The following DMD variants were observed in gnomAD, a reference collection of about 807,000 sequenced individuals.
DMD encodes the protein mutant dystrophin.
Under a neutral mutation model 330.1 loss-of-function variants are expected in DMD, and 63 were observed. The ratio of observed to expected loss-of-function variants is 0.19; its 90% CI spans 0.16 to 0.24. The LOEUF is 0.24. Ranked by LOEUF, DMD falls within the 10% of genes least tolerant of loss-of-function variation. The pLI is 1.00. For missense variants in DMD, 3,344 were observed against 2,684.1 expected (o/e 1.25, Z -5.43); for synonymous variants, 1,223 against 959.8 (o/e 1.27, Z -5.07).
At chrX:32,282,343 A>G (rs904751627) in intron 43 of DMD, among the ~76,000 whole-genome samples, 2 of 111,798 alleles carry the variant, frequency 1.8e-5, no homozygotes, top group Admixed American at 1.9e-4. Flanking sequence ...CATGTTTCCT[A>G]TAGGTATATT....
chrX:32,164,361 G>A lies in DMD; in HGVS notation c.6438+52555C>T, dbSNP rs775861376. Among the ~76,000 whole-genome samples the A allele has an allele frequency of 7.2e-5, 8 of 111,625 alleles. No individual in the cohort carries two copies. In the South Asian group the frequency reaches 1.5e-3, roughly 21 times the overall value. ...TTGACCAAAATGCTGATAGTGATAC[G>A]AACACTGAAGTCCAGGCAGAGGTGG... On this transcript the variant is annotated intron_variant, in intron 44 of 78. Coordinates refer to ENST00000357033, the MANE Select transcript of DMD (RefSeq NM_004006.3).
chrX:31,410,043 C>T (rs778259904), intron 60 of DMD, among the ~76,000 whole-genome samples: 14 of 111,928 alleles, frequency 1.3e-4, no homozygotes, highest in African/African-American at 4.2e-4. Flanking sequence ...TGGTCTTGAA[C>T]GTCTGACCTC....
chrX:31,158,881 G>C (rs775836985), intron 74 of DMD, among the ~76,000 whole-genome samples: 1 of 111,916 alleles, frequency 8.9e-6, no homozygotes, highest in Non-Finnish European at 1.9e-5. Context: ...GTTTTAAAAA[G>C]AGTCCAAAAA....
chrX:33,126,038 C>A (rs867902179), intron 1 of DMD, among the ~76,000 whole-genome samples: 440 of 93,148 alleles, frequency 4.7e-3, no homozygotes, highest in Middle Eastern at 0.012. Context: ...GACTCCGTCT[C>A]AAGAAAAAAA....
intron 1 of DMD, among the ~76,000 whole-genome samples, chrX:33,114,478 C>A (rs1237671704): frequency 1.8e-5 from 2 of 111,246 alleles, no homozygotes; most frequent in Non-Finnish European, 3.8e-5. Flanking sequence ...AAAGTCAAAA[C>A]ACTTTAGTAA....
intron 2 of DMD, among the ~76,000 whole-genome samples, chrX:32,935,790 C>T (rs1176120318): frequency 9.0e-6 from 1 of 111,278 alleles, no homozygotes; most frequent in Non-Finnish European, 1.9e-5. Context: ...AATGTTATGC[C>T]TTTTTCCTCT....
chrX:31,613,755 C>T (rs2078051876), intron 55 of DMD, among the ~76,000 whole-genome samples: 1 of 111,204 alleles, frequency 9.0e-6, no homozygotes, highest in Non-Finnish European at 1.9e-5. Context: ...CCAAGCCCCA[C>T]CACTATTAAT....
At chrX:33,232,671 A>C (rs1487578074) in intron 1 of DMD, among the ~76,000 whole-genome samples, 3 of 111,238 alleles carry the variant, frequency 2.7e-5, no homozygotes, top group African/African-American at 9.8e-5. Flanking sequence ...GGGGCAGATC[A>C]CTTGAGGTCA....
At chrX:31,235,653 T>C (rs1426329409) in intron 63 of DMD, among the ~76,000 whole-genome samples, 4 of 112,330 alleles carry the variant, frequency 3.6e-5, no homozygotes, top group Admixed American at 9.4e-5. Flanking sequence ...GTCGATGACA[T>C]TGATTTTACA....
chrX:33,081,526 GGCCTCCCAAAGTGCA>G (rs889315565), intron 1 of DMD, among the ~76,000 whole-genome samples: 3 of 111,950 alleles, frequency 2.7e-5, no homozygotes, highest in African/African-American at 6.5e-5. Context: ...CGCCCTCCTC[GGCCTCCCAAAGTGCA>G]GCCTCCCAAA....
intron 2 of DMD, among the ~76,000 whole-genome samples, chrX:32,963,546 ACAATAAGTAAGTTGT>A (rs1324778452): frequency 7.1e-5 from 8 of 112,379 alleles, no homozygotes; most frequent in Non-Finnish European, 1.5e-4. Flanking sequence ...TGCTAACCAC[ACAATAAGTAAGTTGT>A]CAATAACTAC....
At chrX:31,707,545 AC>A (rs761203582) in intron 52 of DMD, among the ~76,000 whole-genome samples, 63 of 110,835 alleles carry the variant, frequency 5.7e-4, no homozygotes, top group African/African-American at 2.0e-3. Context: ...TGGGATCCGT[AC>A]TCCAAACCTC....
At chrX:31,223,873 A>T (rs1307739184) in intron 63 of DMD, among the ~76,000 whole-genome samples, 1 of 112,723 alleles carries the variant, frequency 8.9e-6, no homozygotes, top group Non-Finnish European at 1.9e-5. Context: ...ATATGTATTT[A>T]AAAATATAAT....
chrX:31,628,941 T>A (rs868092531), intron 54 of DMD, among the ~76,000 whole-genome samples: 6 of 102,196 alleles, frequency 5.9e-5, no homozygotes, highest in Admixed American at 2.1e-4. Context: ...TATATATATA[T>A]AAAATGCATG....
intron 30 of DMD, among the ~76,000 whole-genome samples, chrX:32,404,590 G>A (rs2098107011): frequency 9.0e-6 from 1 of 111,484 alleles, no homozygotes; most frequent in African/African-American, 3.3e-5. Flanking sequence ...TACAAAATGT[G>A]CATCAACACA....
intron 60 of DMD, among the ~76,000 whole-genome samples, chrX:31,408,787 A>G (rs753136076): frequency 4.6e-4 from 52 of 112,035 alleles, no homozygotes; most frequent in African/African-American, 1.6e-3. Flanking sequence ...TTTACAAAAA[A>G]TTTTATTATT....
At chrX:31,246,427 G>A (rs770248857) in intron 63 of DMD, among the ~76,000 whole-genome samples, 104 of 112,490 alleles carry the variant, frequency 9.2e-4, no homozygotes, top group Non-Finnish European at 1.5e-3. Context: ...TGGCTACAAC[G>A]AACAACAGAT....
intron 43 of DMD, among the ~76,000 whole-genome samples, chrX:32,234,909 T>C (rs1020577186): frequency 1.8e-5 from 2 of 111,755 alleles, no homozygotes; most frequent in African/African-American, 6.5e-5. Context: ...AAGTCATCTT[T>C]TAATGTTCAC....
intron 44 of DMD, among the ~76,000 whole-genome samples, chrX:32,033,586 C>CAAGAAAGA (rs1569534588): frequency 2.2e-5 from 1 of 46,204 alleles, no homozygotes; most frequent in Non-Finnish European, 4.2e-5. Context: ...TTTAAAAAAA[C>CAAGAAAGA]AAGACAGACA....
Sources: gnomAD v4.1 joint callset for allele counts (sites outside exome capture counted in the v4.1 genomes callset) on GRCh38, gnomAD v4.1.1 for gene constraint, MANE v1.5 for transcripts, NCBI Gene and HGNC (gene_info 2026-07-23, HGNC 2026-07-21) for gene names.